Variants in BRSK2 observed in about 807,000 individuals in gnomAD.
BRSK2 encodes the protein BR serine/threonine kinase 2.
A neutral mutation model predicts 83.3 loss-of-function variants in BRSK2; 19 were observed. The ratio of observed to expected loss-of-function variants is 0.23; its 90% CI spans 0.16 to 0.33. BRSK2 has a LOEUF of 0.33. BRSK2 is among the 10% of genes least tolerant of loss of function. The probability of loss-of-function intolerance (pLI) is 1.00; values close to 1 mark genes in which losing one functional copy is unlikely to be tolerated. For missense variants in BRSK2, 798 were observed against 1,042.3 expected (o/e 0.77, Z 3.23); for synonymous variants, 519 against 435.4 (o/e 1.19, Z -2.39).
intron 1 of BRSK2, among the ~76,000 whole-genome samples, chr11:1,417,037 T>C (rs112807000): frequency 6.6e-6 from 1 of 152,058 alleles, no homozygotes; most frequent in African/African-American, 2.4e-5. Flanking sequence ...CAGGCACCTG[T>C]AATCCCAGCC....
chr11:1,412,920 C>T (rs117023815), intron 1 of BRSK2, among the ~76,000 whole-genome samples: 3,615 of 150,664 alleles, frequency 0.024, 56 homozygotes, highest in Non-Finnish European at 0.033. Flanking sequence ...GGGACGGGAC[C>T]GCCCATGGCC....
intron 15 of BRSK2, among the ~76,000 whole-genome samples, chr11:1,452,475 G>A (rs540221697): frequency 1.3e-5 from 2 of 152,214 alleles, no homozygotes; most frequent in African/African-American, 2.4e-5. Context: ...CCTCAGAGAA[G>A]GTGGAAAACA....
chr11:1,402,930 C>T (rs975669145), intron 1 of BRSK2, among the ~76,000 whole-genome samples: 4 of 152,098 alleles, frequency 2.6e-5, no homozygotes, highest in Admixed American at 6.5e-5. Flanking sequence ...CCCCAAATCC[C>T]CGGGGATTTG....
chr11:1,424,723 T>C (rs1455368775), intron 1 of BRSK2, among the ~76,000 whole-genome samples: 1 of 141,760 alleles, frequency 7.1e-6, no homozygotes. Context: ...TGGGACTGTT[T>C]GGACAGAGGG....
chr11:1,394,723 C>T (rs1399380749), intron 1 of BRSK2, among the ~76,000 whole-genome samples: 1 of 112,996 alleles, frequency 8.8e-6, no homozygotes, highest in Non-Finnish European at 1.8e-5. Context: ...TGGAGATGGG[C>T]CATGGAGATG....
intron 3 of BRSK2, among the ~76,000 whole-genome samples, chr11:1,440,124 G>T (rs1360595053): frequency 6.6e-6 from 1 of 152,190 alleles, no homozygotes; most frequent in East Asian, 1.9e-4. Context: ...GTTCAGCCTG[G>T]GTGGAGCGGC....
intron 19 of BRSK2, 54 bp from the exon 20 acceptor site, chr11:1,460,443 CCTT>C (rs1847292731): frequency 2.6e-6 from 3 of 1,150,816 alleles, no homozygotes; most frequent in Non-Finnish European, 2.3e-6. Flanking sequence ...TTTCTCTCCC[CCTT>C]TTTTTTCTTT....
chr11:1,451,441 C>T (rs1220639943), intron 15 of BRSK2, 22 bp downstream of exon 15: 1 of 1,611,280 alleles, frequency 6.2e-7, no homozygotes, highest in Non-Finnish European at 8.5e-7. Context: ...CTGCTGGAGG[C>T]CTCCTGGTAC....
chr11:1,406,672 G>A (rs565514453), intron 1 of BRSK2, among the ~76,000 whole-genome samples: 30 of 152,366 alleles, frequency 2.0e-4, no homozygotes, highest in African/African-American at 7.0e-4. Context: ...GGCCTGCAGA[G>A]GCCAGGACAG....
intron 1 of BRSK2, among the ~76,000 whole-genome samples, chr11:1,416,208 A>AT (rs1848082361): frequency 1.3e-5 from 2 of 152,148 alleles, no homozygotes; most frequent in African/African-American, 4.8e-5. Context: ...CAGCACTTTG[A>AT]TTTTGTCAGT....
intron 1 of BRSK2, among the ~76,000 whole-genome samples, chr11:1,412,766 A>C (rs939627014): frequency 6.7e-6 from 1 of 149,722 alleles, no homozygotes; most frequent in Non-Finnish European, 1.5e-5. Context: ...GGAGTGGGCA[A>C]CGGTGCCCTG....
intron 1 of BRSK2, among the ~76,000 whole-genome samples, chr11:1,395,814 C>G (rs1379166260): frequency 6.6e-6 from 1 of 152,216 alleles, no homozygotes; most frequent in Non-Finnish European, 1.5e-5. Flanking sequence ...TGTGCCCCCT[C>G]CCCCAGCTGT....
intron 1 of BRSK2, among the ~76,000 whole-genome samples, chr11:1,406,673 G>A (rs1846895408): frequency 6.6e-6 from 1 of 152,222 alleles, no homozygotes; most frequent in Admixed American, 6.5e-5. Context: ...GCCTGCAGAG[G>A]CCAGGACAGC....
intron 1 of BRSK2, among the ~76,000 whole-genome samples, chr11:1,394,587 T>A: frequency 1.8e-5 from 1 of 54,166 alleles, no homozygotes; most frequent in Non-Finnish European, 3.6e-5. Flanking sequence ...GCCATGGAGA[T>A]GGGTCCTGGA....
intron 18 of BRSK2, 111 bp downstream of exon 18, chr11:1,456,798 TGAC>T (rs1307280383): frequency 7.5e-7 from 1 of 1,330,772 alleles, no homozygotes; most frequent in African/African-American, 1.5e-5. Context: ...TGGCCCCTCT[TGAC>T]GGACGCCCCC....
At chr11:1,456,809 C>T (rs1400510590) in intron 18 of BRSK2, 122 bp downstream of exon 18, 1 of 1,312,422 alleles carries the variant, frequency 7.6e-7, no homozygotes, top group Non-Finnish European at 1.0e-6. Context: ...GACGGACGCC[C>T]CCACCTCCCT....
intron 1 of BRSK2, among the ~76,000 whole-genome samples, chr11:1,413,758 G>T (rs1004440431): frequency 2.6e-5 from 4 of 152,210 alleles, no homozygotes; most frequent in African/African-American, 9.6e-5. Context: ...GGGTGGTGGG[G>T]CCTGGCACCC....
chr11:1,448,127 C>T (rs1590630676), intron 12 of BRSK2, among the ~76,000 whole-genome samples: 1 of 152,208 alleles, frequency 6.6e-6, no homozygotes, highest in East Asian at 1.9e-4. Flanking sequence ...CCCGGCGTGG[C>T]TGCAGGCCGA....
chr11:1,394,064 T>C (rs1301987708), intron 1 of BRSK2, among the ~76,000 whole-genome samples: 2 of 89,720 alleles, frequency 2.2e-5, no homozygotes, highest in East Asian at 3.6e-4. Flanking sequence ...TGGAGATGGG[T>C]CCTGGAGATG....
Sources: gnomAD v4.1 joint callset for allele counts (sites outside exome capture counted in the v4.1 genomes callset) on GRCh38, gnomAD v4.1.1 for gene constraint, MANE v1.5 for transcripts, NCBI Gene and HGNC (gene_info 2026-07-23, HGNC 2026-07-21) for gene names.